PDXDC1: variants seen among roughly 807,000 people sequenced by gnomAD.
The protein encoded by PDXDC1 is pyridoxal-dependent decarboxylase domain-containing protein 1.
Under a neutral mutation model 100.1 loss-of-function variants are expected in PDXDC1, and 42 were observed. That is an observed-to-expected ratio of 0.42 (90% confidence interval 0.33 to 0.54). PDXDC1 has a LOEUF of 0.54. Ranked by LOEUF, PDXDC1 falls within the 20% of genes least tolerant of loss-of-function variation. PDXDC1 has a pLI of 0.10. For missense variants in PDXDC1, 636 were observed against 979.2 expected (o/e 0.65, Z 4.68); for synonymous variants, 260 against 371.7 (o/e 0.70, Z 3.46).
intron 16 of PDXDC1, among the ~76,000 whole-genome samples, chr16:15,102,067 T>G (rs1228798875): frequency 2.6e-5 from 4 of 152,146 alleles, no homozygotes; most frequent in Non-Finnish European, 4.4e-5. Context: ...AGGCTGCTCT[T>G]GAACGCCTGA....
At chr16:15,127,564 C>A in intron 16 of PDXDC1, 1 of 1,298,476 alleles carries the variant, frequency 7.7e-7, no homozygotes, top group Non-Finnish European at 1.1e-6. Context: ...TGTGTCGACG[C>A]TCAGCGGGCT....
At chr16:15,062,489 G>C (rs1597862524) in intron 16 of PDXDC1, among the ~76,000 whole-genome samples, 1 of 152,182 alleles carries the variant, frequency 6.6e-6, no homozygotes, top group Non-Finnish European at 1.5e-5. Flanking sequence ...CCAAGCAACA[G>C]AGCAGCGAAA....
chr16:15,093,702 G>A (rs2046233353), intron 16 of PDXDC1, among the ~76,000 whole-genome samples: 1 of 152,186 alleles, frequency 6.6e-6, no homozygotes, highest in African/African-American at 2.4e-5. Context: ...TAAAAGTGGA[G>A]CAAAATAAAG....
At chr16:15,144,569 T>G in the PDXDC1 span, among the ~76,000 whole-genome samples, 1 of 152,220 alleles carries the variant, frequency 6.6e-6, no homozygotes, top group African/African-American at 2.4e-5. Flanking sequence ...GTTCTCTGGG[T>G]CCCGGACACG....
chr16:15,018,010 A>G (rs1309864953), intron 11 of PDXDC1, among the ~76,000 whole-genome samples: 2 of 151,420 alleles, frequency 1.3e-5, no homozygotes, highest in East Asian at 3.9e-4. Flanking sequence ...GTCATGTTGA[A>G]CTCGCGATCT....
intron 16 of PDXDC1, among the ~76,000 whole-genome samples, chr16:15,057,943 C>G (rs76268602): frequency 4.1e-4 from 63 of 152,244 alleles, no homozygotes; most frequent in East Asian, 3.1e-3. Flanking sequence ...AGCCAGATAA[C>G]AAGCAGGAAA....
At chr16:15,131,308 T>C (rs1227337412) in intron 16 of PDXDC1, 2 of 1,574,034 alleles carry the variant, frequency 1.3e-6, no homozygotes, top group Non-Finnish European at 1.7e-6. Flanking sequence ...GGCCTGTGTC[T>C]GGAACGCCAT....
chr16:15,094,164 G>A (rs772540101), intron 16 of PDXDC1: 10 of 1,601,710 alleles, frequency 6.2e-6, no homozygotes, highest in Non-Finnish European at 7.7e-6. Context: ...GACGCGCCCA[G>A]CTTCTTAACT....
chr16:15,082,839 C>G (rs2045762362), intron 16 of PDXDC1, among the ~76,000 whole-genome samples: 1 of 152,064 alleles, frequency 6.6e-6, no homozygotes, highest in Non-Finnish European at 1.5e-5. Flanking sequence ...AAAACTTAAG[C>G]AGAATTCTTC....
At chr16:14,990,367 G>A (rs1369633353) in intron 1 of PDXDC1, among the ~76,000 whole-genome samples, 1 of 152,290 alleles carries the variant, frequency 6.6e-6, no homozygotes, top group Non-Finnish European at 1.5e-5. Flanking sequence ...TCTGGCTGTT[G>A]CCCTGGTGTT....
In PDXDC1 at chr16:15,035,507, G is replaced by A. The variant is rs375243782; in HGVS notation, c.2061G>A (p.Thr687=). ...ACAAAGCACAAGGTGCAGGAGTCAC[G>A]CTGCCTCCAACGCCCTCGGGCAGTC... The part of the protein sequence containing the change: ...YVYKAQGAGV[T]LPPTPSGSRT... The change falls in exon 22 of 23, where the codon ACG becomes ACA. Residue 687 remains threonine, a synonymous_variant. Coordinates refer to ENST00000396410, the MANE Select transcript of PDXDC1 (RefSeq NM_015027.4). 96 of 1,612,272 alleles carry A rather than the reference G, an allele frequency of 6.0e-5. No individual in the cohort carries two copies. The highest frequency in any genetic ancestry group is 1.8e-4 in the Middle Eastern group (1 of 5,468).
intron 16 of PDXDC1, among the ~76,000 whole-genome samples, chr16:15,031,375 C>T (rs1307732213): frequency 6.6e-6 from 1 of 152,186 alleles, no homozygotes; most frequent in African/African-American, 2.4e-5. Context: ...TTCCCTTTCT[C>T]TCAGTCATAG....
At chr16:15,059,851 T>C (rs143181546) in intron 16 of PDXDC1, among the ~76,000 whole-genome samples, 1 of 152,256 alleles carries the variant, frequency 6.6e-6, no homozygotes, top group East Asian at 1.9e-4. Context: ...GAGTCGCGGA[T>C]ACTTCATATA....
intron 12 of PDXDC1, among the ~76,000 whole-genome samples, chr16:15,022,462 A>G (rs1328437718): frequency 1.3e-5 from 2 of 152,304 alleles, no homozygotes; most frequent in Non-Finnish European, 2.9e-5. Flanking sequence ...CATTGCAAAT[A>G]CAACAGATTT....
rs1356076273 is a variant in PDXDC1 at position 15,034,171 on chromosome 16, A to G, written c.1813-115A>G. 12 of 826,908 alleles carry G rather than the reference A, an allele frequency of 1.5e-5. 1 individual carries two copies. The highest frequency in any genetic ancestry group is 2.4e-5 in the Non-Finnish European group (12 of 508,522). The allele number at this position is 826,908 out of a possible 1,614,324, so 51.2% of individuals were successfully genotyped here. On this transcript the variant is annotated intron_variant, in intron 19 of 22. Transcript: ENST00000396410. ...CTGTTCGTTTTACGCCGGCTTTTCA[A>G]TGCAGGATTTCATTGACCTGCTTTT...
At chr16:14,981,138 T>G (rs1359269904) in intron 1 of PDXDC1, among the ~76,000 whole-genome samples, 2 of 152,306 alleles carry the variant, frequency 1.3e-5, no homozygotes, top group East Asian at 3.8e-4. Flanking sequence ...AGAGATTCTT[T>G]AGGCAGAATA....
chr16:15,091,966 C>G (rs1389386774), intron 16 of PDXDC1, among the ~76,000 whole-genome samples: 4 of 152,300 alleles, frequency 2.6e-5, no homozygotes, highest in African/African-American at 7.2e-5. Context: ...ATCACAAGGT[C>G]AGGAGTTCGA....
chr16:15,087,164 C>G (rs559304422), intron 16 of PDXDC1, among the ~76,000 whole-genome samples: 1 of 151,902 alleles, frequency 6.6e-6, no homozygotes, highest in Non-Finnish European at 1.5e-5. Context: ...AAGAAAAAGC[C>G]CCTAATTTGT....
rs764551545 is a variant in PDXDC1, at chr16:15,038,132, G to A, written c.*1857G>A. 1.5e-5 allele frequency: 24 copies of A among 1,612,040 alleles called. No homozygotes were observed. Among genetic ancestry groups the A allele is most frequent in the Non-Finnish European group, 1.7e-5 (20 of 1,178,356 alleles). ...AACAGTGTGTGAGCTGGAGATGGGT[G>A]TTTTTTTAAAAACATCAAGGTAGAT... On this transcript the variant is annotated 3_prime_UTR_variant, in exon 23 of 23. Coordinates refer to ENST00000396410, the MANE Select transcript of PDXDC1 (RefSeq NM_015027.4).
Sources: gnomAD v4.1 joint callset for allele counts (sites outside exome capture counted in the v4.1 genomes callset) on GRCh38, gnomAD v4.1.1 for gene constraint, MANE v1.5 for transcripts, NCBI Gene and HGNC (gene_info 2026-07-23, HGNC 2026-07-21) for gene names.